Variants in LNPEP observed in about 807,000 individuals in gnomAD.
LNPEP encodes leucyl and cystinyl aminopeptidase.
A neutral mutation model predicts 120.6 loss-of-function variants in LNPEP; 64 were observed. The observed-to-expected ratio is 0.53, with a 90% CI of 0.43 to 0.65. LNPEP has a LOEUF of 0.65. LNPEP is among the 30% of genes least tolerant of loss of function. LNPEP has a pLI of 0.00. For missense variants in LNPEP, 1,057 were observed against 1,200.0 expected, an observed-to-expected ratio of 0.88 and a Z score of 1.76; for synonymous variants, 435 against 425.4, an observed-to-expected ratio of 1.02 and a Z score of -0.28.
chr5:97,010,726 A>G (rs1790905686), intron 11 of LNPEP: 1 of 985,246 alleles, frequency 1.0e-6, no homozygotes, highest in African/African-American at 1.7e-5. Context: ...TTGCTACTCA[A>G]TAGACTGAAA....
intron 1 of LNPEP, among the ~76,000 whole-genome samples, chr5:96,945,184 G>T (rs1789158268): frequency 6.6e-6 from 1 of 151,918 alleles, no homozygotes; most frequent in East Asian, 1.9e-4. Flanking sequence ...ATTGCTTGAG[G>T]CCAGCAGTTC....
chr5:97,026,323 C>T (rs1164402096), intron 15 of LNPEP, among the ~76,000 whole-genome samples: 1 of 152,000 alleles, frequency 6.6e-6, no homozygotes, highest in Non-Finnish European at 1.5e-5. Flanking sequence ...AAATACCCAC[C>T]TCCCGAATTG....
rs575182273 is a variant in LNPEP at position 96,979,263 on chromosome 5, C to G, written c.145C>G (p.Arg49Gly). ...LEPDEVEYEP[R>G]GSRLLVRGLG... ...GCCTGATGAGGTGGAATATGAGCCC[C>G]GGGGTTCCCGACTGCTGGTGCGGGG... is the stretch of plus-strand genomic sequence containing the variant. Residue 49 changes from arginine (R) to glycine (G), a missense_variant, in exon 2 of 18, where the codon CGG becomes GGG. Arg to Gly is a moderately radical substitution (Grantham distance 125, BLOSUM62 -2). Transcript: ENST00000231368. The G allele has an allele frequency of 6.2e-7, 1 of 1,613,828 alleles. No homozygotes were observed. Among genetic ancestry groups the G allele is most frequent in the East Asian group, 2.2e-5 (1 of 44,872 alleles).
At chr5:96,985,000 A>T in intron 2 of LNPEP, 80 bp from the exon 3 acceptor site, 1 of 1,445,282 alleles carries the variant, frequency 6.9e-7, no homozygotes, top group Non-Finnish European at 9.5e-7. Flanking sequence ...ATTGTAACAT[A>T]TTTATCTTAG....
chr5:97,011,792 A>T (rs1790934621), intron 11 of LNPEP, among the ~76,000 whole-genome samples: 1 of 152,136 alleles, frequency 6.6e-6, no homozygotes, highest in Non-Finnish European at 1.5e-5. Flanking sequence ...TAAGTACGGA[A>T]TTTTTTTAGT....
At chr5:96,972,545 C>T (rs147668183) in intron 1 of LNPEP, among the ~76,000 whole-genome samples, 98 of 152,158 alleles carry the variant, frequency 6.4e-4, no homozygotes, top group African/African-American at 2.0e-3. Context: ...TGTGACTCCC[C>T]TCTGCACGTG....
intron 8 of LNPEP, among the ~76,000 whole-genome samples, chr5:97,000,149 G>A (rs912062537): frequency 2.0e-4 from 30 of 152,098 alleles, no homozygotes; most frequent in Admixed American, 1.6e-3. Context: ...AGTAATAAGT[G>A]CTAATATGAA....
chr5:96,987,327 C>T (rs1790265505), intron 4 of LNPEP, among the ~76,000 whole-genome samples: 1 of 152,000 alleles, frequency 6.6e-6, no homozygotes, highest in Non-Finnish European at 1.5e-5. Flanking sequence ...TTTTCAAATA[C>T]TGACAACATA....
intron 1 of LNPEP, among the ~76,000 whole-genome samples, chr5:96,945,126 G>A (rs1348448666): frequency 6.6e-6 from 1 of 152,100 alleles, no homozygotes; most frequent in African/African-American, 2.4e-5. Flanking sequence ...GGGTGGTGCA[G>A]TGGCTCACAC....
intron 2 of LNPEP, among the ~76,000 whole-genome samples, chr5:96,980,514 G>A (rs1790097944): frequency 6.6e-6 from 1 of 151,906 alleles, no homozygotes; most frequent in South Asian, 2.1e-4. Context: ...TTAAGGTCTA[G>A]GAGAGACTTA....
chr5:96,985,649 G>T (rs1432177648), intron 3 of LNPEP, among the ~76,000 whole-genome samples: 1 of 152,128 alleles, frequency 6.6e-6, no homozygotes, highest in African/African-American at 2.4e-5. Flanking sequence ...TTGACAACTA[G>T]AACAGGAGCC....
At chr5:97,026,246 G>GT (rs1340983908) in intron 15 of LNPEP, among the ~76,000 whole-genome samples, 2 of 151,796 alleles carry the variant, frequency 1.3e-5, no homozygotes, top group East Asian at 1.9e-4. Context: ...AAATGACCTA[G>GT]TTTTTTTTAA....
At chr5:97,008,334 CTTG>C (rs1790836228) in intron 11 of LNPEP, among the ~76,000 whole-genome samples, 9 of 48,674 alleles carry the variant, frequency 1.8e-4, no homozygotes, top group African/African-American at 7.4e-4. Context: ...TTTGTTTTTT[CTTG>C]TTTTTTTTTT....
Position 96,979,018 on chromosome 5 carries a change from G to A in LNPEP, c.20-120G>A, listed in dbSNP as rs1790062106. 62 of 1,109,818 alleles carry A rather than the reference G, an allele frequency of 5.6e-5. 1 individual carries two copies. The South Asian group carries it at 9.3e-4, about 17-fold the overall frequency. 68.7% of individuals were successfully genotyped at this position (1,109,818 alleles called of 1,614,324 possible). A position where few individuals can be genotyped will look rare whatever the true frequency, so the allele number is the denominator to read the frequency against. ...TTCAGTAGCTCTGAGATGGAAATAA[G>A]TCTTAGTGACTTAAAAAAATTCTTA... On this transcript the variant is annotated intron_variant, in intron 1 of 17. Coordinates refer to ENST00000231368, the MANE Select transcript of LNPEP (RefSeq NM_005575.3).
At chr5:96,948,859 A>G (rs1789254901) in intron 1 of LNPEP, among the ~76,000 whole-genome samples, 1 of 152,152 alleles carries the variant, frequency 6.6e-6, no homozygotes, top group African/African-American at 2.4e-5. Flanking sequence ...TGACTACTGT[A>G]TAGTATAGTA....
At chr5:97,017,621 A>T (rs1472608398) in intron 13 of LNPEP, among the ~76,000 whole-genome samples, 1 of 152,146 alleles carries the variant, frequency 6.6e-6, no homozygotes, top group East Asian at 1.9e-4. Flanking sequence ...ACCAAGATTC[A>T]TTCTTTTCAG....
At position 96,998,227 on chromosome 5, in the gene LNPEP, ATTATT is replaced by A. The variant is rs560089925; in HGVS notation, c.1653+86_1653+90del. The A allele has an allele frequency of 8.6e-4, 921 of 1,065,910 alleles. 15 individuals are homozygous for A. In the South Asian group the frequency reaches 0.013, roughly 15 times the overall value. The allele number at this position is 1,065,910 out of a possible 1,614,324, so 66.0% of individuals were successfully genotyped here. ...TATGTGAGCAAGCTGTGTGATTTAGATTATTTTAAAGATTAAATGTTTTTCAGGTA... is the reference window on the plus strand; with the variant it reads ...TATGTGAGCAAGCTGTGTGATTTAGATTAAAGATTAAATGTTTTTCAGGTA... On this transcript the variant is annotated intron_variant, in intron 8 of 17. Coordinates refer to ENST00000231368, the MANE Select transcript of LNPEP (RefSeq NM_005575.3).
intron 11 of LNPEP, among the ~76,000 whole-genome samples, chr5:97,007,977 C>T (rs1221130578): frequency 1.3e-5 from 2 of 152,102 alleles, no homozygotes; most frequent in Non-Finnish European, 2.9e-5. Flanking sequence ...AGTGTTAAAG[C>T]AGCAACAATC....
chr5:96,997,883 G>C (rs1790553278), intron 7 of LNPEP, 131 bp from the exon 8 acceptor site: 1 of 576,748 alleles, frequency 1.7e-6, no homozygotes, highest in South Asian at 2.5e-5. Flanking sequence ...CTTATATCCT[G>C]AAGTTTAGTG....
Sources: allele counts gnomAD v4.1 joint callset (sites outside exome capture counted in the v4.1 genomes callset), GRCh38; gene constraint gnomAD v4.1.1; transcripts MANE v1.5; gene names NCBI Gene and HGNC (gene_info 2026-07-23, HGNC 2026-07-21).